PRAMEF14: variants seen among roughly 807,000 people sequenced by gnomAD.
The protein encoded by PRAMEF14 is PRAME family member 14.
Under a neutral mutation model 38.3 loss-of-function variants are expected in PRAMEF14, and 24 were observed. The observed-to-expected ratio is 0.63, with a 90% confidence interval of 0.45 to 0.88. PRAMEF14 has a LOEUF of 0.88. Among genes scored for constraint, PRAMEF14 ranks in the 40% least tolerant of loss-of-function variants. The probability of loss-of-function intolerance (pLI) is 0.00; values close to 1 mark genes in which losing one functional copy is unlikely to be tolerated. For synonymous variants in PRAMEF14, 194 were observed against 226.4 expected (o/e 0.86, Z 1.29); for missense variants, 477 against 570.8 (o/e 0.84, Z 1.67).
At chr1:13,345,774 C>G (rs1169292656) in intron 1 of PRAMEF14, among the ~76,000 whole-genome samples, 1 of 151,844 alleles carries the variant, frequency 6.6e-6, no homozygotes, top group African/African-American at 2.4e-5. Flanking sequence ...GACACCAAGG[C>G]AGGCAGATCA....
In PRAMEF14 at chr1:13,343,760, G is replaced by A. The variant is rs1172474616; in HGVS notation, c.866+278C>T. On this transcript the variant is annotated intron_variant, in intron 3 of 3. Coordinates refer to ENST00000334600, the MANE Select transcript of PRAMEF14 (RefSeq NM_001024661.2). ...ACACTTTGTAACAGGAAATTCACAC[G>A]TGCACCCCCAATAGAGCTGAAACCC... 1.8e-4 allele frequency: 253 copies of A among 1,377,278 alleles called. 34 individuals are homozygous for A. The East Asian group carries it at 6.2e-3, about 34-fold the overall frequency. The allele number at this position is 1,377,278 out of a possible 1,614,324, so 85.3% of individuals were successfully genotyped here. A position where few individuals can be genotyped will look rare whatever the true frequency, so the allele number is the denominator to read the frequency against.
In PRAMEF14 at chr1:13,344,659, C is replaced by A. The variant is rs1165845245; in HGVS notation, c.288-43G>T. 7 of 1,602,656 alleles carry A rather than the reference C, an allele frequency of 4.4e-6. No homozygotes were observed. In the African/African-American group the frequency reaches 5.4e-5, roughly 12 times the overall value. On this transcript the variant is annotated intron_variant, in intron 2 of 3. Transcript: ENST00000334600. ...GAGAGACTCAGAATTTAGAAGGACT[C>A]ATCCCTGACCTTTGCTTTCATTCTC...
intron 2 of PRAMEF14, 107 bp downstream of exon 2, chr1:13,344,921 A>G: frequency 6.5e-7 from 1 of 1,548,700 alleles, no homozygotes; most frequent in Non-Finnish European, 8.8e-7. Context: ...CCTCGCCAAC[A>G]CCATCAGAAG....
intron 3 of PRAMEF14, 136 bp downstream of exon 3, chr1:13,343,902 A>G: frequency 2.7e-6 from 4 of 1,507,020 alleles, no homozygotes; most frequent in South Asian, 1.3e-5. Context: ...TGAATGGGAC[A>G]ATGTGTTGAC....
chr1:13,344,819 T>A (rs1424528296), intron 2 of PRAMEF14, among the ~76,000 whole-genome samples: 7 of 150,520 alleles, frequency 4.7e-5, no homozygotes, highest in East Asian at 2.1e-4. Flanking sequence ...TTCCACTGAG[T>A]AAAGGCAGGT....
In PRAMEF14 at chr1:13,342,927, A is replaced by G; in HGVS notation, c.1026T>C (p.Ala342=). 1 of 1,607,866 alleles carries G rather than the reference A, an allele frequency of 6.2e-7. No homozygotes were observed. The highest frequency in any genetic ancestry group is 8.5e-7 in the Non-Finnish European group (1 of 1,178,138). ...GAGAGGCAGCAATTTTCTCTAGCAG[A>G]GCTCCGAGGGGTTCAAGACTGATGC... The part of the protein sequence containing the change: ...LFRISLEPLG[A]LLEKIAASLE... The change falls in exon 4 of 4, where the codon GCT becomes GCC. Residue 342 remains alanine (A), a synonymous_variant. Transcript: ENST00000334600.
chr1:13,344,713 A>G, intron 2 of PRAMEF14, 97 bp from the exon 3 acceptor site: 1 of 1,529,402 alleles, frequency 6.5e-7, no homozygotes, highest in South Asian at 1.2e-5. Context: ...TCCTGTCCTC[A>G]GTGCTCCCTG....
In PRAMEF14 at chr1:13,344,183, T is replaced by G; in HGVS notation, c.721A>C (p.Arg241=). The change falls in exon 3 of 4, where the codon AGG becomes CGG. Residue 241 remains arginine (R), a synonymous_variant. Transcript: ENST00000334600. The stretch of plus-strand genomic sequence containing the variant: ...TTATCTGACATGGAATGATGGCACC[T>G]GGAGAAAACGAGTTTGCGAAGATTC... ...MKNLRKLVFS[R]CHHSMSDNEL... is the part of the protein sequence containing the mutation. 1 of 1,607,764 alleles carries G rather than the reference T, an allele frequency of 6.2e-7. No individual in the cohort carries two copies. Among genetic ancestry groups the G allele is most frequent in the South Asian group, 1.1e-5 (1 of 90,702 alleles).
rs1640333713 is a variant in PRAMEF14, at chr1:13,341,994, AGATATTTCTG to A, written c.*524_*533del. 6.3e-6 allele frequency: 1 copy of A among 157,554 alleles called. No homozygotes were observed. The highest frequency in any genetic ancestry group is 1.4e-5 in the Non-Finnish European group (1 of 70,866). 9.8% of individuals were successfully genotyped at this position (157,554 alleles called of 1,614,324 possible). On this transcript the variant is annotated 3_prime_UTR_variant, in exon 4 of 4. Coordinates refer to ENST00000334600, the MANE Select transcript of PRAMEF14 (RefSeq NM_001024661.2). ...TTTTTCCATCAGTAACTCAATAACT[AGATATTTCTG>A]GTGGATAAATTGCTACAACAGGTTA...
At position 13,345,258 on chromosome 1, in the gene PRAMEF14, T is replaced by C. The variant is rs1640386660; in HGVS notation, c.57A>G (p.Arg19=). The C allele has an allele frequency of 8.7e-6, 14 of 1,607,290 alleles. 1 individual carries two copies. The highest frequency in any genetic ancestry group is 8.4e-5 in the Admixed American group (5 of 59,870). The change falls in exon 2 of 4, where the codon AGA becomes AGG. Residue 19 remains arginine, a synonymous_variant. Coordinates refer to ENST00000334600, the MANE Select transcript of PRAMEF14 (RefSeq NM_001024661.2). The part of the protein sequence containing the change: ...LLELAGQSLL[R]DQALSISAME... The stretch of plus-strand genomic sequence containing the variant: ...TGGCAGAGATGGACAAGGCCTGGTC[T>C]CTCAGCAGGCTCTGCCCTGCCAGCT...
chr1:13,344,311 G>A lies in PRAMEF14; in HGVS notation c.593C>T (p.Ser198Leu). 6.2e-7 allele frequency: 1 copy of A among 1,607,382 alleles called. No homozygotes were observed. The highest frequency in any genetic ancestry group is 1.1e-5 in the South Asian group (1 of 90,626). The change falls in exon 3 of 4, where the codon TCA (serine) becomes TTA (leucine). Residue 198 changes from serine (S) to leucine (L), a missense_variant. This residue lies in a region of PRAMEF14 where 234 missense variants were observed against 247.4 expected (regional missense o/e 0.95). Coordinates refer to ENST00000334600, the MANE Select transcript of PRAMEF14 (RefSeq NM_001024661.2). ...YLTPIKHLRKSLKIIYLNSIQ... is the reference protein window; with the variant it reads ...YLTPIKHLRKLLKIIYLNSIQ... ...ACTATTCAGGTATATTATTTTCAAT[G>A]ACTTTCTGAGATGTTTAATCGGCGT... is the stretch of plus-strand genomic sequence containing the variant.
chr1:13,344,297 A>T lies in PRAMEF14; in HGVS notation c.607T>A (p.Tyr203Asn). The change falls in exon 3 of 4, where the codon TAC (tyrosine) becomes AAC (asparagine). Residue 203 changes from tyrosine (Y) to asparagine (N), a missense_variant. Around this residue, in one of 4 missense-constraint regions of PRAMEF14, gnomAD observed 234 missense variants for 247.4 expected, o/e 0.95. Coordinates refer to ENST00000334600, the MANE Select transcript of PRAMEF14 (RefSeq NM_001024661.2). The part of the protein sequence containing the change: ...KHLRKSLKII[Y>N]LNSIQQLEIR... The stretch of plus-strand genomic sequence containing the variant: ...TCCAGCTGTTGAATACTATTCAGGT[A>T]TATTATTTTCAATGACTTTCTGAGA... The T allele has an allele frequency of 6.2e-7, 1 of 1,606,162 alleles. No homozygotes were observed. The highest frequency in any genetic ancestry group is 8.5e-7 in the Non-Finnish European group (1 of 1,176,948).
At chr1:13,343,945 C>T in intron 3 of PRAMEF14, 93 bp downstream of exon 3, 2 of 1,573,316 alleles carry the variant, frequency 1.3e-6, no homozygotes, top group Non-Finnish European at 8.7e-7. Context: ...GACGTTGCCA[C>T]TGGCTGGCAC....
rs1640386584 is a variant in PRAMEF14 at position 13,345,255 on chromosome 1, G to T, written c.60C>A (p.Asp20Glu). 6.2e-7 allele frequency: 1 copy of T among 1,607,320 alleles called. No individual in the cohort carries two copies. Among genetic ancestry groups the T allele is most frequent in the Non-Finnish European group, 8.5e-7 (1 of 1,178,650 alleles). The change falls in exon 2 of 4, where the codon GAC becomes GAA. Residue 20 changes from aspartate to glutamate, a missense_variant. This residue lies in a region of PRAMEF14 where 58 missense variants were observed against 119.9 expected (regional missense o/e 0.48). Coordinates refer to ENST00000334600, the MANE Select transcript of PRAMEF14 (RefSeq NM_001024661.2). ...CCATGGCAGAGATGGACAAGGCCTG[G>T]TCTCTCAGCAGGCTCTGCCCTGCCA... ...LELAGQSLLR[D>E]QALSISAMEE... is the part of the protein sequence containing the mutation.
chr1:13,343,584 C>T (rs1285668424), intron 3 of PRAMEF14: 1 of 1,313,274 alleles, frequency 7.6e-7, no homozygotes, highest in African/African-American at 1.5e-5. Flanking sequence ...TCAAAACAAC[C>T]TTTTACAAAC....
At chr1:13,343,606 G>T (rs1640361129) in intron 3 of PRAMEF14, 1 of 1,314,566 alleles carries the variant, frequency 7.6e-7, no homozygotes, top group African/African-American at 1.5e-5. Flanking sequence ...GGGAATCAGA[G>T]ACAGGATCAT....
chr1:13,342,788 T>C lies in PRAMEF14; in HGVS notation c.1165A>G (p.Met389Val), dbSNP rs767093314. 3 of 1,604,366 alleles carry C rather than the reference T, an allele frequency of 1.9e-6. No individual in the cohort carries two copies. The highest frequency in any genetic ancestry group is 1.7e-6 in the Non-Finnish European group (2 of 1,177,114). ...AGGTCCTTCAGGGCACCCATAGACA[T>C]ACAATTTCTGCCAAAGTAGAAGGTG... ...LTTFYFGRNC[M>V]SMGALKDLLC... The change falls in exon 4 of 4, where the codon ATG becomes GTG. Residue 389 changes from methionine (M) to valine (V), a missense_variant. Physicochemically the swap from Met to Val is conservative, Grantham distance 21. Around this residue, in one of 4 missense-constraint regions of PRAMEF14, gnomAD observed 151 missense variants for 137.4 expected, o/e 1.10. Coordinates refer to ENST00000334600, the MANE Select transcript of PRAMEF14 (RefSeq NM_001024661.2).
Position 13,342,509 on chromosome 1 carries a change from C to G in PRAMEF14, c.*19G>C. On this transcript the variant is annotated 3_prime_UTR_variant, in exon 4 of 4. Transcript: ENST00000334600. The stretch of plus-strand genomic sequence containing the variant: ...GGAAGAGAACTTTGGATTTCTCTAC[C>G]CCGCTAGGCACGCCTTCCCTAGCAG... The G allele has an allele frequency of 1.2e-6, 2 of 1,604,696 alleles. No homozygotes were observed. The highest frequency in any genetic ancestry group is 1.7e-6 in the Non-Finnish European group (2 of 1,176,982).
rs1640340003 is a variant in PRAMEF14 at position 13,342,423 on chromosome 1, T to C, written c.*105A>G. ...ATTTTGGAATTATTAAAAAATGAAATAAATAAGAAAAGAGAAAAATAGTTT... is the reference window on the plus strand; with the variant it reads ...ATTTTGGAATTATTAAAAAATGAAACAAATAAGAAAAGAGAAAAATAGTTT... On this transcript the variant is annotated 3_prime_UTR_variant, in exon 4 of 4. Transcript: ENST00000334600. The C allele has an allele frequency of 1.4e-6, 2 of 1,465,452 alleles. No homozygotes were observed. Among genetic ancestry groups the C allele is most frequent in the Non-Finnish European group, 1.8e-6 (2 of 1,107,192 alleles). The allele number at this position is 1,465,452 out of a possible 1,614,324, so 90.8% of individuals were successfully genotyped here.
Sources: gnomAD v4.1 joint callset for allele counts (sites outside exome capture counted in the v4.1 genomes callset) on GRCh38, gnomAD v4.1.1 for gene constraint, gnomAD v4.1.1 regional missense constraint, MANE v1.5 for transcripts, NCBI Gene and HGNC (gene_info 2026-07-23, HGNC 2026-07-21) for gene names.